The following GALNTL6 variants were observed in gnomAD, a reference collection of about 807,000 sequenced individuals.
GALNTL6 encodes the protein polypeptide N-acetylgalactosaminyltransferase-like 6.
A neutral mutation model predicts 73.7 loss-of-function variants in GALNTL6; 46 were observed. The observed-to-expected ratio is 0.62, with a 90% CI of 0.49 to 0.80. The LOEUF (loss-of-function observed/expected upper bound fraction) is 0.80, where lower values mean the gene tolerates loss of function less well. Among genes scored for constraint, GALNTL6 ranks in the 30% least tolerant of loss-of-function variants. The pLI is 0.00. For synonymous variants in GALNTL6, 259 were observed against 263.7 expected, an observed-to-expected ratio of 0.98 and a Z score of 0.17; for missense variants, 604 against 755.0, an observed-to-expected ratio of 0.80 and a Z score of 2.34.
intron 7 of GALNTL6, among the ~76,000 whole-genome samples, chr4:172,839,975 AC>A (rs1743116918): frequency 6.6e-6 from 1 of 152,232 alleles, no homozygotes; most frequent in East Asian, 1.9e-4. Context: ...TAGTTGTCTT[AC>A]CCTATAGAGG....
intron 5 of GALNTL6, among the ~76,000 whole-genome samples, chr4:172,672,619 A>C (rs1294697799): frequency 6.6e-6 from 1 of 151,146 alleles, no homozygotes; most frequent in Non-Finnish European, 1.5e-5. Flanking sequence ...ATCTGGTGGC[A>C]TTCAGCTGTG....
chr4:172,046,267 C>A (rs1742220210), intron 2 of GALNTL6, among the ~76,000 whole-genome samples: 2 of 151,980 alleles, frequency 1.3e-5, no homozygotes, highest in Non-Finnish European at 2.9e-5. Flanking sequence ...GGCACGTACC[C>A]AGAAGTGAGC....
At chr4:172,313,226 C>T (rs949861010) in intron 4 of GALNTL6, among the ~76,000 whole-genome samples, 4 of 150,384 alleles carry the variant, frequency 2.7e-5, no homozygotes, top group South Asian at 2.1e-4. Context: ...CCTGGGTTCA[C>T]GCCATTCTCC....
intron 5 of GALNTL6, among the ~76,000 whole-genome samples, chr4:172,483,263 T>C (rs546084263): frequency 6.6e-6 from 1 of 152,276 alleles, no homozygotes; most frequent in Admixed American, 6.5e-5. Context: ...AGGGAAGCTT[T>C]CACAAGCAAG....
At chr4:172,974,285 G>T (rs28671519) in intron 10 of GALNTL6, among the ~76,000 whole-genome samples, 28,763 of 151,920 alleles carry the variant, frequency 0.19, 3,252 homozygotes, top group African/African-American at 0.32. Flanking sequence ...CTGTATAATA[G>T]ACGAGCAGAT....
intron 5 of GALNTL6, among the ~76,000 whole-genome samples, chr4:172,755,947 A>G (rs1737724847): frequency 6.6e-6 from 1 of 152,214 alleles, no homozygotes; most frequent in Admixed American, 6.5e-5. Context: ...GAGATACAGC[A>G]TATAGAAGTC....
At position 172,783,475 on chromosome 4, in the gene GALNTL6, CTA is replaced by C; in HGVS notation, c.554-25884_554-25883del. Among the ~76,000 whole-genome samples, 4 of 146,658 alleles carry C rather than the reference CTA, an allele frequency of 2.7e-5. No homozygotes were observed. In the Middle Eastern group the frequency reaches 0.015, roughly 539 times the overall value. ...TATTATAACAATATAATATTATACA[CTA>C]TTAATAATATTATACACTATTAATA... On this transcript the variant is annotated intron_variant, in intron 5 of 12. Coordinates refer to ENST00000506823, the MANE Select transcript of GALNTL6 (RefSeq NM_001034845.3).
intron 10 of GALNTL6, among the ~76,000 whole-genome samples, chr4:172,959,151 G>A (rs904611855): frequency 6.6e-6 from 1 of 152,222 alleles, no homozygotes; most frequent in East Asian, 1.9e-4. Context: ...AGGTTTTAAT[G>A]AGATGGTAAG....
intron 2 of GALNTL6, among the ~76,000 whole-genome samples, chr4:172,021,509 C>T (rs1441490243): frequency 6.6e-6 from 1 of 151,890 alleles, no homozygotes; most frequent in Admixed American, 6.6e-5. Context: ...TTAAAATGTC[C>T]ATATTATCCA....
chr4:172,205,003 A>T (rs1387849673), intron 2 of GALNTL6, among the ~76,000 whole-genome samples: 1 of 152,102 alleles, frequency 6.6e-6, no homozygotes, highest in Non-Finnish European at 1.5e-5. Flanking sequence ...GTCTAAATAA[A>T]ATGTTAATTT....
chr4:172,183,217 T>C (rs996580055), intron 2 of GALNTL6, among the ~76,000 whole-genome samples: 18 of 152,374 alleles, frequency 1.2e-4, no homozygotes, highest in South Asian at 2.1e-4. Context: ...ATATCTGTTT[T>C]ACCAAACTTT....
At chr4:172,491,306 T>G (rs1177963389) in intron 5 of GALNTL6, among the ~76,000 whole-genome samples, 2 of 150,942 alleles carry the variant, frequency 1.3e-5, no homozygotes, top group Non-Finnish European at 3.0e-5. Context: ...GCCTTTCCAT[T>G]TTTCCTTGCT....
chr4:172,224,460 A>G (rs1009966713), intron 2 of GALNTL6, among the ~76,000 whole-genome samples: 3 of 152,200 alleles, frequency 2.0e-5, no homozygotes, highest in Non-Finnish European at 2.9e-5. Flanking sequence ...ATTTATGAAA[A>G]CTAAGATAGG....
intron 5 of GALNTL6, among the ~76,000 whole-genome samples, chr4:172,576,598 C>T (rs1178613585): frequency 6.6e-6 from 1 of 152,072 alleles, no homozygotes; most frequent in East Asian, 1.9e-4. Flanking sequence ...TTGTAGCCTT[C>T]TTATCTGTAA....
chr4:172,459,421 A>G (rs983308741), intron 5 of GALNTL6, among the ~76,000 whole-genome samples: 2 of 152,228 alleles, frequency 1.3e-5, no homozygotes, highest in South Asian at 2.1e-4. Flanking sequence ...AGGAAGTCAA[A>G]TTGCCTCTGT....
At chr4:172,646,571 T>A (rs1740252164) in intron 5 of GALNTL6, among the ~76,000 whole-genome samples, 1 of 152,084 alleles carries the variant, frequency 6.6e-6, no homozygotes, top group South Asian at 2.1e-4. Context: ...TGGTTAGTAC[T>A]ACATAGTCTG....
At chr4:173,013,452 T>G (rs1289875504) in intron 11 of GALNTL6, among the ~76,000 whole-genome samples, 1 of 152,074 alleles carries the variant, frequency 6.6e-6, no homozygotes, top group East Asian at 1.9e-4. Flanking sequence ...AATGAAATCT[T>G]CTCTGGCCTG....
intron 2 of GALNTL6, among the ~76,000 whole-genome samples, chr4:171,967,052 G>A (rs1008663106): frequency 5.3e-5 from 8 of 152,134 alleles, no homozygotes; most frequent in Non-Finnish European, 1.2e-4. Flanking sequence ...CTGAGAATAT[G>A]AGAAACAATC....
At chr4:172,912,783 T>C (rs959725148) in intron 8 of GALNTL6, among the ~76,000 whole-genome samples, 1 of 152,166 alleles carries the variant, frequency 6.6e-6, no homozygotes, top group Non-Finnish European at 1.5e-5. Context: ...ACTCCAGCTC[T>C]GGGGGCAGGG....
Sources: allele counts gnomAD v4.1 joint callset (sites outside exome capture counted in the v4.1 genomes callset), GRCh38; gene constraint gnomAD v4.1.1; transcripts MANE v1.5; gene names NCBI Gene and HGNC (gene_info 2026-07-23, HGNC 2026-07-21).